Variants in MYO9A observed in about 807,000 individuals in gnomAD.
MYO9A encodes myosin IXA, also known as unconventional myosin-IXa.
MYO9A carries 103 observed loss-of-function variants against 293.3 expected under a neutral mutation model. The ratio of observed to expected loss-of-function variants is 0.35; its 90% confidence interval spans 0.30 to 0.41. MYO9A has a LOEUF of 0.41. MYO9A is among the 10% of genes least tolerant of loss of function. MYO9A has a pLI of 1.00. For missense variants in MYO9A, 2,685 were observed against 3,033.0 expected (o/e 0.89, Z 2.69); for synonymous variants, 1,001 against 1,035.7 (o/e 0.97, Z 0.64).
In MYO9A at chr15:71,850,113, C is replaced by T. The variant is rs1275167543; in HGVS notation, c.6636G>A (p.Val2212=). The stretch of plus-strand genomic sequence containing the variant: ...GGCAGCGGAGAATGCAGGGCGCAAA[C>T]ACAATGGCCAAAGCATTAGCAGACA... The part of the protein sequence containing the change: ...NRMSANALAI[V]FAPCILRCPD... The change falls in exon 38 of 42, where the codon GTG becomes GTA. Residue 2212 remains valine (V), a synonymous_variant. Transcript: ENST00000356056. The T allele has an allele frequency of 1.2e-6, 2 of 1,614,086 alleles. No homozygotes were observed. The highest frequency in any genetic ancestry group is 8.5e-7 in the Non-Finnish European group (1 of 1,179,966).
intron 1 of MYO9A, among the ~76,000 whole-genome samples, chr15:72,103,484 AGC>A (rs2080456821): frequency 6.6e-6 from 1 of 151,472 alleles, no homozygotes; most frequent in Non-Finnish European, 1.5e-5. Flanking sequence ...AAGCAGAAGC[AGC>A]GCAGAAGCAG....
intron 1 of MYO9A, among the ~76,000 whole-genome samples, chr15:72,081,347 G>C (rs1361835857): frequency 6.6e-6 from 1 of 152,132 alleles, no homozygotes; most frequent in Non-Finnish European, 1.5e-5. Flanking sequence ...ATGCTTGTTG[G>C]CCACAGGTAT....
Position 72,010,502 on chromosome 15 carries a change from T to C in MYO9A, c.1156-55A>G, listed in dbSNP as rs1460856572. 6.2e-6 allele frequency: 9 copies of C among 1,458,596 alleles called. No homozygotes were observed. The African/African-American group carries it at 1.3e-4, about 21-fold the overall frequency. 90.4% of individuals were successfully genotyped at this position (1,458,596 alleles called of 1,614,324 possible). A position where few individuals can be genotyped will look rare whatever the true frequency, so the allele number is the denominator to read the frequency against. ...CAAGATTATATATTTTAAAATAATGTGGGCCATTCAGAAATATGGTAATTT... is the reference window on the plus strand; with the variant it reads ...CAAGATTATATATTTTAAAATAATGCGGGCCATTCAGAAATATGGTAATTT... On this transcript the variant is annotated intron_variant, in intron 6 of 41. Transcript: ENST00000356056.
chr15:72,006,102 G>A (rs1324111991), intron 8 of MYO9A, among the ~76,000 whole-genome samples: 1 of 152,126 alleles, frequency 6.6e-6, no homozygotes, highest in African/African-American at 2.4e-5. Flanking sequence ...TCTAGAGACA[G>A]GGTCTCGCTC....
intron 4 of MYO9A, among the ~76,000 whole-genome samples, chr15:72,026,129 C>T (rs1205879843): frequency 6.6e-5 from 10 of 151,664 alleles, no homozygotes; most frequent in Non-Finnish European, 8.8e-5. Flanking sequence ...AAAAATTAGC[C>T]AGGCGTGATG....
At chr15:72,103,266 GGCA>G (rs1465953971) in intron 1 of MYO9A, among the ~76,000 whole-genome samples, 53 of 134,006 alleles carry the variant, frequency 4.0e-4, no homozygotes, top group Admixed American at 2.3e-3. Flanking sequence ...GAGAAGCAGA[GGCA>G]GCAGCAGAAG....
chr15:72,046,655 A>G, intron 1 of MYO9A, 21 bp from the exon 2 acceptor site: 2 of 1,425,684 alleles, frequency 1.4e-6, no homozygotes. Context: ...AAAGATGCAA[A>G]ATATTTAGAA....
At chr15:72,099,909 CA>C (rs34892673) in intron 1 of MYO9A, among the ~76,000 whole-genome samples, 453 of 39,776 alleles carry the variant, frequency 0.011, 3 homozygotes, top group African/African-American at 0.019. Context: ...GACTTGGTCT[CA>C]AAAAAAAAAA....
intron 6 of MYO9A, 105 bp downstream of exon 6, chr15:72,018,934 C>T: frequency 1.2e-6 from 1 of 847,712 alleles, no homozygotes; most frequent in South Asian, 1.5e-5. Flanking sequence ...TCCTAGGATT[C>T]TTTGTATTTC....
intron 23 of MYO9A, among the ~76,000 whole-genome samples, chr15:71,900,757 A>C (rs1384728425): frequency 6.6e-6 from 1 of 152,218 alleles, no homozygotes; most frequent in Non-Finnish European, 1.5e-5. Flanking sequence ...AAAAGATCTT[A>C]TGGAAATGAT....
chr15:72,113,508 G>T (rs2080856993), intron 1 of MYO9A, among the ~76,000 whole-genome samples: 1 of 152,154 alleles, frequency 6.6e-6, no homozygotes. Context: ...GATCATGAAT[G>T]ATCTCATACA....
At chr15:72,065,655 TA>T (rs1301738106) in intron 1 of MYO9A, among the ~76,000 whole-genome samples, 1 of 151,690 alleles carries the variant, frequency 6.6e-6, no homozygotes, top group Admixed American at 6.6e-5. Flanking sequence ...TCTATTCAAT[TA>T]AAAAAATCAT....
In MYO9A at chr15:71,830,177, C is replaced by T; in HGVS notation, c.6972G>A (p.Gln2324=). Residue 2324 remains glutamine, a synonymous_variant, in exon 40 of 42, where the codon CAG becomes CAA. Transcript: ENST00000356056. ...CCTCCTGCTGCATAGCTGCTTGCTG[C>T]TGTTCTGTGATGTCAGTCTCCATGG... ...EAAMETDITE[Q]QQAAMQQEER... 6.2e-7 allele frequency: 1 copy of T among 1,614,148 alleles called. No homozygotes were observed. Among genetic ancestry groups the T allele is most frequent in the Non-Finnish European group, 8.5e-7 (1 of 1,180,004 alleles).
rs1407506429 is a variant in MYO9A, at chr15:71,841,844, A to T, written c.6837+7001T>A. Among the ~76,000 whole-genome samples, 61 of 149,270 alleles carry T rather than the reference A, an allele frequency of 4.1e-4. 1 individual carries two copies. Among genetic ancestry groups the T allele is most frequent in the South Asian group, 3.4e-3 (16 of 4,690 alleles). Reference sequence around the variant, plus strand: ...GTTTTTTTTGTAGAGACGGGGTTTCACCATGTTGCCCAGGCTGGTCTCAAA... The same window carrying T: ...GTTTTTTTTGTAGAGACGGGGTTTCTCCATGTTGCCCAGGCTGGTCTCAAA... On this transcript the variant is annotated intron_variant, in intron 39 of 41. Transcript: ENST00000356056.
At chr15:72,091,088 A>G (rs1250062157) in intron 1 of MYO9A, among the ~76,000 whole-genome samples, 2 of 152,090 alleles carry the variant, frequency 1.3e-5, no homozygotes, top group Non-Finnish European at 2.9e-5. Flanking sequence ...AGTCCTAGCT[A>G]CTTGGCAGGC....
At chr15:71,850,004 G>A in intron 38 of MYO9A, 32 bp downstream of exon 38, 1 of 1,611,130 alleles carries the variant, frequency 6.2e-7, no homozygotes, top group East Asian at 2.2e-5. Context: ...AAGTCCCTGA[G>A]GTCTTGCAAA....
Position 71,825,999 on chromosome 15 carries a change from T to C in MYO9A, c.*581A>G, listed in dbSNP as rs867930870. 8.3e-6 allele frequency: 1 copy of C among 120,700 alleles called. No individual in the cohort carries two copies. The highest frequency in any genetic ancestry group is 3.9e-5 in the African/African-American group (1 of 25,898). 7.5% of individuals were successfully genotyped at this position (120,700 alleles called of 1,614,324 possible). On this transcript the variant is annotated 3_prime_UTR_variant, in exon 42 of 42. Coordinates refer to ENST00000356056, the MANE Select transcript of MYO9A (RefSeq NM_006901.4). ...AAACAATCACGGTTTTTTTTTGTTT[T>C]TTTTTTTTTGTTTTTTTTTTTTGTT...
chr15:72,037,120 A>C (rs1357680180), intron 2 of MYO9A, among the ~76,000 whole-genome samples: 1 of 151,902 alleles, frequency 6.6e-6, no homozygotes, highest in Non-Finnish European at 1.5e-5. Context: ...TCTTGACCTT[A>C]CTTGGAAATC....
At chr15:71,853,193 TG>T (rs2055727473) in intron 35 of MYO9A, among the ~76,000 whole-genome samples, 1 of 152,268 alleles carries the variant, frequency 6.6e-6, no homozygotes. Flanking sequence ...TGTACTTACC[TG>T]GTTTTGGATT....
Sources: allele counts gnomAD v4.1 joint callset (sites outside exome capture counted in the v4.1 genomes callset), GRCh38; gene constraint gnomAD v4.1.1; transcripts MANE v1.5; gene names NCBI Gene and HGNC (gene_info 2026-07-23, HGNC 2026-07-21).